RAB3GAP2: variants seen among roughly 807,000 people sequenced by gnomAD.
RAB3GAP2 encodes rab3 GTPase-activating protein non-catalytic subunit.
In RAB3GAP2, 87 loss-of-function variants were observed where a neutral mutation model predicts 185.3. That is an observed-to-expected ratio of 0.47 (90% CI 0.39 to 0.56). The LOEUF (loss-of-function observed/expected upper bound fraction) is 0.56. Ranked by LOEUF, RAB3GAP2 falls within the 20% of genes least tolerant of loss-of-function variation. The pLI is 0.00. For synonymous variants in RAB3GAP2, 554 were observed against 576.1 expected (o/e 0.96, Z 0.55); for missense variants, 1,492 against 1,638.2 (o/e 0.91, Z 1.54).
chr1:220,209,103 G>T (rs901655092), intron 7 of RAB3GAP2, among the ~76,000 whole-genome samples: 11 of 152,128 alleles, frequency 7.2e-5, no homozygotes, highest in African/African-American at 2.7e-4. Context: ...ATCTGTTACA[G>T]ATGACTTAAA....
intron 18 of RAB3GAP2, among the ~76,000 whole-genome samples, chr1:220,185,202 C>T (rs1442050210): frequency 1.3e-5 from 2 of 152,248 alleles, no homozygotes; most frequent in South Asian, 2.1e-4. Context: ...CAGACAAATA[C>T]ATTTTGACGG....
At chr1:220,252,656 C>G (rs1486141385) in intron 1 of RAB3GAP2, among the ~76,000 whole-genome samples, 1 of 152,214 alleles carries the variant, frequency 6.6e-6, no homozygotes, top group Non-Finnish European at 1.5e-5. Flanking sequence ...GCTACCCTAC[C>G]TGGGAAACCA....
intron 1 of RAB3GAP2, chr1:220,267,242 A>C (rs914416667): frequency 1.4e-5 from 13 of 919,432 alleles, no homozygotes; most frequent in Non-Finnish European, 2.2e-5. Context: ...TCAAACTTTG[A>C]AAGTTTCTGA....
At chr1:220,240,855 TC>T (rs1197258167) in intron 1 of RAB3GAP2, among the ~76,000 whole-genome samples, 2 of 152,068 alleles carry the variant, frequency 1.3e-5, no homozygotes, top group Non-Finnish European at 2.9e-5. Context: ...GTTCTTACCC[TC>T]ACCAAGTTAA....
chr1:220,215,355 T>C (rs2102883064), intron 2 of RAB3GAP2, among the ~76,000 whole-genome samples: 1 of 152,268 alleles, frequency 6.6e-6, no homozygotes, highest in East Asian at 1.9e-4. Context: ...GCTTGCTTTT[T>C]CACAGGCATT....
intron 2 of RAB3GAP2, among the ~76,000 whole-genome samples, chr1:220,214,479 T>C (rs1200049202): frequency 6.6e-6 from 1 of 151,016 alleles, no homozygotes; most frequent in African/African-American, 2.4e-5. Context: ...TGAGCTGAGA[T>C]CGCACCACTA....
intron 2 of RAB3GAP2, among the ~76,000 whole-genome samples, chr1:220,227,430 C>T (rs1659421246): frequency 6.6e-6 from 1 of 152,152 alleles, no homozygotes; most frequent in Admixed American, 6.5e-5. Context: ...AAGTCATTTT[C>T]TGCCATAAAA....
chr1:220,163,995 T>C (rs1658016196), intron 27 of RAB3GAP2, among the ~76,000 whole-genome samples: 1 of 152,018 alleles, frequency 6.6e-6, no homozygotes, highest in African/African-American at 2.4e-5. Context: ...GGTTACTAAC[T>C]AGCTTAGTGC....
intron 17 of RAB3GAP2, among the ~76,000 whole-genome samples, 157 bp from the exon 18 acceptor site, chr1:220,185,898 T>C (rs1195118241): frequency 6.6e-6 from 1 of 152,198 alleles, no homozygotes; most frequent in Non-Finnish European, 1.5e-5. Flanking sequence ...TCAAGTTGCG[T>C]TGTTAAGTAA....
chr1:220,224,947 A>C (rs1474397079), intron 2 of RAB3GAP2, among the ~76,000 whole-genome samples: 2 of 152,148 alleles, frequency 1.3e-5, no homozygotes, highest in African/African-American at 4.8e-5. Context: ...TTTAACCAGT[A>C]GTCAGGTCCC....
intron 30 of RAB3GAP2, 74 bp downstream of exon 30, chr1:220,157,728 T>G: frequency 1.5e-6 from 2 of 1,342,074 alleles, no homozygotes. Context: ...AAATAGTCAT[T>G]TATTAAATGC....
chr1:220,253,166 T>C (rs1486458980), intron 1 of RAB3GAP2, among the ~76,000 whole-genome samples: 4 of 152,190 alleles, frequency 2.6e-5, no homozygotes, highest in Admixed American at 1.3e-4. Context: ...AGACTGCTTC[T>C]TGGGGTGGGA....
At chr1:220,212,809 T>C in intron 4 of RAB3GAP2, 78 bp downstream of exon 4, 1 of 1,227,386 alleles carries the variant, frequency 8.1e-7, no homozygotes, top group Admixed American at 1.7e-5. Context: ...TGAAACTTTT[T>C]AATAGATTCA....
chr1:220,214,822 T>C (rs895596927), intron 2 of RAB3GAP2, among the ~76,000 whole-genome samples: 4 of 151,376 alleles, frequency 2.6e-5, no homozygotes, highest in Non-Finnish European at 4.4e-5. Flanking sequence ...CTTATACTCC[T>C]GTACTCTAGC....
At position 220,210,881 on chromosome 1, in the gene RAB3GAP2, T is replaced by C. The variant is rs1328768041; in HGVS notation, c.435-5A>G. On this transcript the variant is annotated splice_polypyrimidine_tract_variant and splice_region_variant and intron_variant, in intron 5 of 34. Transcript: ENST00000358951. Reference sequence around the variant, plus strand: ...TCAGGACGCCCAGTGGAACTCCTGTTACAAACAAAATTTATTATCTTAACA... The same window carrying C: ...TCAGGACGCCCAGTGGAACTCCTGTCACAAACAAAATTTATTATCTTAACA... 3 of 1,613,794 alleles carry C rather than the reference T, an allele frequency of 1.9e-6. No individual in the cohort carries two copies. The African/African-American group carries it at 4.0e-5, about 22-fold the overall frequency.
Position 220,227,269 on chromosome 1 carries a change from G to A in RAB3GAP2, c.180+5530C>T, listed in dbSNP as rs79414888. 2.1e-3 allele frequency among the ~76,000 whole-genome samples: 326 copies of A among 152,262 alleles called. 1 individual carries two copies. Among genetic ancestry groups the A allele is most frequent in the African/African-American group, 6.9e-3 (286 of 41,546 alleles). The stretch of plus-strand genomic sequence containing the variant: ...GACATAGTTGGCTACGGCCGATAGT[G>A]TATATTAAAATATGCTTTCTTCACT... On this transcript the variant is annotated intron_variant, in intron 2 of 34. Transcript: ENST00000358951.
At position 220,205,847 on chromosome 1, in the gene RAB3GAP2, A is replaced by T; in HGVS notation, c.712+60T>A. ...AGAAGACATACTTAATTCCATAAGC[A>T]GGTGAAATTAAATAAAACAAACATT... On this transcript the variant is annotated intron_variant, in intron 8 of 34. Transcript: ENST00000358951. 3 of 1,188,910 alleles carry T rather than the reference A, an allele frequency of 2.5e-6. No individual in the cohort carries two copies. The South Asian group carries it at 3.9e-5, about 15-fold the overall frequency. 73.6% of individuals were successfully genotyped at this position (1,188,910 alleles called of 1,614,324 possible).
At chr1:220,213,034 A>T (rs1039600299) in intron 3 of RAB3GAP2, 66 bp from the exon 4 acceptor site, 351 of 1,260,922 alleles carry the variant, frequency 2.8e-4, no homozygotes, top group Non-Finnish European at 3.5e-4. Context: ...TAATTTATAA[A>T]TTTTGCTCTT....
At chr1:220,238,243 C>T (rs1469035793) in intron 1 of RAB3GAP2, among the ~76,000 whole-genome samples, 2 of 152,094 alleles carry the variant, frequency 1.3e-5, no homozygotes, top group Non-Finnish European at 2.9e-5. Flanking sequence ...TGAAGCCTTG[C>T]CATTTTGCCC....
Sources: allele counts gnomAD v4.1 joint callset (sites outside exome capture counted in the v4.1 genomes callset), GRCh38; gene constraint gnomAD v4.1.1; transcripts MANE v1.5; gene names NCBI Gene and HGNC (gene_info 2026-07-23, HGNC 2026-07-21).